Variants in ABCC1 observed in about 807,000 individuals in gnomAD.
ABCC1 encodes multidrug resistance-associated protein 1.
A neutral mutation model predicts 172.9 loss-of-function variants in ABCC1; 83 were observed. That is an observed-to-expected ratio of 0.48 (90% CI 0.40 to 0.58). The LOEUF (loss-of-function observed/expected upper bound fraction) is 0.58, where lower values mean the gene tolerates loss of function less well. Among genes scored for constraint, ABCC1 ranks in the 20% least tolerant of loss-of-function variants. The pLI is 0.00. For synonymous variants in ABCC1, 937 were observed against 825.2 expected (o/e 1.14, Z -2.32); for missense variants, 1,817 against 2,002.7 (o/e 0.91, Z 1.77).
chr16:16,051,582 G>A (rs1183917547), intron 10 of ABCC1, among the ~76,000 whole-genome samples: 1 of 152,132 alleles, frequency 6.6e-6, no homozygotes, highest in East Asian at 1.9e-4. Flanking sequence ...CAGAGTCACA[G>A]GTTCACTAAT....
At position 16,001,919 on chromosome 16, in the gene ABCC1, T is replaced by C. The variant is rs549222009; in HGVS notation, c.49-5897T>C. Among the ~76,000 whole-genome samples, 48 of 152,172 alleles carry C rather than the reference T, an allele frequency of 3.2e-4. 1 individual carries two copies. Among genetic ancestry groups the C allele is most frequent in the Non-Finnish European group, 3.2e-4 (22 of 68,036 alleles). On this transcript the variant is annotated intron_variant, in intron 1 of 30. Transcript: ENST00000399410. ...ATATATGTGAGACAGAGTCTCATTA[T>C]GTTGCCCAGGGTGGTTTCAAACTCC...
chr16:16,103,696 G>T (rs994491832), intron 20 of ABCC1, among the ~76,000 whole-genome samples: 2 of 152,160 alleles, frequency 1.3e-5, no homozygotes, highest in Non-Finnish European at 2.9e-5. Context: ...AAAGGATCCC[G>T]GACCTGCAGT....
At chr16:16,111,307 C>G (rs879496185) in intron 21 of ABCC1, 68 bp from the exon 22 acceptor site, 243 of 1,317,800 alleles carry the variant, frequency 1.8e-4, no homozygotes, top group Admixed American at 9.2e-4. Flanking sequence ...AGCCCCCGAC[C>G]TTGTGGGGCT....
intron 12 of ABCC1, among the ~76,000 whole-genome samples, chr16:16,065,926 A>G (rs962074823): frequency 2.0e-5 from 3 of 152,162 alleles, no homozygotes; most frequent in Non-Finnish European, 2.9e-5. Flanking sequence ...AAAGTGTGCA[A>G]TTCAGTGGTT....
chr16:16,062,440 G>A (rs1180096625), intron 12 of ABCC1, among the ~76,000 whole-genome samples: 4 of 152,036 alleles, frequency 2.6e-5, no homozygotes, highest in African/African-American at 9.7e-5. Flanking sequence ...TCCAACTCCT[G>A]AGCTAAAGCG....
chr16:15,988,118 A>G (rs900845748), intron 1 of ABCC1, among the ~76,000 whole-genome samples: 9 of 152,088 alleles, frequency 5.9e-5, no homozygotes, highest in Non-Finnish European at 8.8e-5. Context: ...CTACCACGCT[A>G]TGTTGGCCAG....
intron 3 of ABCC1, among the ~76,000 whole-genome samples, chr16:16,011,620 T>C (rs964991411): frequency 2.0e-5 from 3 of 151,934 alleles, no homozygotes; most frequent in Non-Finnish European, 4.4e-5. Context: ...TAGCTGGGAG[T>C]GTAGGCATGC....
At chr16:16,095,514 C>T (rs1025341416) in intron 19 of ABCC1, among the ~76,000 whole-genome samples, 1 of 152,172 alleles carries the variant, frequency 6.6e-6, no homozygotes, top group Non-Finnish European at 1.5e-5. Context: ...ACGAATTCCC[C>T]CTTACCCTGC....
At chr16:16,021,366 G>T (rs1348601374) in intron 5 of ABCC1, among the ~76,000 whole-genome samples, 2 of 151,714 alleles carry the variant, frequency 1.3e-5, no homozygotes, top group Admixed American at 1.3e-4. Context: ...TGTAACCTAA[G>T]ATTTGCCATT....
At chr16:16,008,013 G>T in intron 2 of ABCC1, 21 bp downstream of exon 2, 2 of 519,232 alleles carry the variant, frequency 3.9e-6, no homozygotes, top group Non-Finnish European at 6.9e-6. Context: ...GGGGGGTTTC[G>T]TTGTGGGGGG....
chr16:15,987,998 C>T (rs529010488), intron 1 of ABCC1, among the ~76,000 whole-genome samples: 2 of 152,308 alleles, frequency 1.3e-5, no homozygotes, highest in South Asian at 4.1e-4. Context: ...CGCTCTGTCA[C>T]CCAGGCTGGA....
At chr16:16,045,318 A>G (rs2151879652) in intron 8 of ABCC1, among the ~76,000 whole-genome samples, 1 of 149,838 alleles carries the variant, frequency 6.7e-6, no homozygotes, top group Admixed American at 6.7e-5. Context: ...AAATTGCTTG[A>G]ACCCAGGAGG....
chr16:16,096,129 T>A (rs1172104506), intron 19 of ABCC1, among the ~76,000 whole-genome samples: 1 of 151,864 alleles, frequency 6.6e-6, no homozygotes, highest in Non-Finnish European at 1.5e-5. Context: ...GTCAGGAGGC[T>A]GAGGCAGGAG....
intron 19 of ABCC1, chr16:16,094,378 G>C: frequency 4.3e-6 from 1 of 234,926 alleles, no homozygotes; most frequent in South Asian, 5.7e-5. Context: ...TTCTTGGCCT[G>C]GGTACATCTA....
intron 7 of ABCC1, among the ~76,000 whole-genome samples, chr16:16,036,930 C>G (rs1390141375): frequency 6.6e-6 from 1 of 152,010 alleles, no homozygotes; most frequent in African/African-American, 2.4e-5. Flanking sequence ...ATGGTGAAAC[C>G]CTGTCTCTAC....
chr16:16,113,504 A>G (rs1022547096), intron 22 of ABCC1, among the ~76,000 whole-genome samples: 6 of 151,974 alleles, frequency 3.9e-5, no homozygotes, highest in Non-Finnish European at 7.4e-5. Context: ...AAAATACAAA[A>G]ATTCGCTGGG....
intron 30 of ABCC1, among the ~76,000 whole-genome samples, chr16:16,139,256 T>A (rs2046034184): frequency 6.6e-6 from 1 of 152,142 alleles, no homozygotes; most frequent in South Asian, 2.1e-4. Context: ...AGGGCCACTG[T>A]TTCCATTGAA....
intron 6 of ABCC1, among the ~76,000 whole-genome samples, chr16:16,034,144 C>T (rs986967354): frequency 1.3e-5 from 2 of 150,256 alleles, no homozygotes; most frequent in Admixed American, 6.7e-5. Context: ...GCTCCTGCCT[C>T]AGCCTCCTGA....
At chr16:16,138,954 C>CCCGACT (rs920858908) in intron 30 of ABCC1, among the ~76,000 whole-genome samples, 1 of 152,236 alleles carries the variant, frequency 6.6e-6, no homozygotes, top group African/African-American at 2.4e-5. Flanking sequence ...AGGCGATCTG[C>CCCGACT]CCGCCTCCGC....
Sources: gnomAD v4.1 joint callset for allele counts (sites outside exome capture counted in the v4.1 genomes callset) on GRCh38, gnomAD v4.1.1 for gene constraint, MANE v1.5 for transcripts, NCBI Gene and HGNC (gene_info 2026-07-23, HGNC 2026-07-21) for gene names.